Variants in KCNC2 observed in about 807,000 individuals in gnomAD.
KCNC2 encodes voltage-gated potassium channel KCNC2.
In KCNC2, 21 loss-of-function variants were observed where a neutral mutation model predicts 44.5. That is an observed-to-expected ratio of 0.47 (90% confidence interval 0.33 to 0.68). The LOEUF is 0.68. Among genes scored for constraint, KCNC2 ranks in the 30% least tolerant of loss-of-function variants. The pLI, the probability that KCNC2 is intolerant of heterozygous loss-of-function variation, is 0.01. For synonymous variants in KCNC2, 391 were observed against 339.1 expected (o/e 1.15, Z -1.68); for missense variants, 589 against 826.2 (o/e 0.71, Z 3.52).
At chr12:75,144,011 C>T (rs886973217) in intron 2 of KCNC2, among the ~76,000 whole-genome samples, 1 of 152,016 alleles carries the variant, frequency 6.6e-6, no homozygotes, top group Admixed American at 6.6e-5. Flanking sequence ...CCTAGGAAAA[C>T]ATCACCATTC....
chr12:75,138,825 C>CT (rs1889416107), intron 2 of KCNC2, among the ~76,000 whole-genome samples: 1 of 151,486 alleles, frequency 6.6e-6, no homozygotes, highest in Admixed American at 6.6e-5. Flanking sequence ...CTAAAAAATA[C>CT]AAAAAATTAG....
intron 2 of KCNC2, among the ~76,000 whole-genome samples, chr12:75,101,117 G>A (rs945754028): frequency 2.6e-5 from 4 of 151,976 alleles, no homozygotes; most frequent in Non-Finnish European, 5.9e-5. Flanking sequence ...TAGGCCTCCC[G>A]TCTTGGGATT....
intron 2 of KCNC2, among the ~76,000 whole-genome samples, chr12:75,069,559 G>A (rs1211665355): frequency 6.6e-6 from 1 of 152,074 alleles, no homozygotes; most frequent in Non-Finnish European, 1.5e-5. Context: ...AATCATTTCA[G>A]TAGACAAATT....
intron 2 of KCNC2, among the ~76,000 whole-genome samples, chr12:75,130,541 A>T (rs898293879): frequency 1.3e-5 from 2 of 152,212 alleles, no homozygotes; most frequent in Non-Finnish European, 2.9e-5. Context: ...AAGATGAATA[A>T]AACCTAAATC....
At chr12:75,131,305 A>T (rs1391134455) in intron 2 of KCNC2, among the ~76,000 whole-genome samples, 1 of 152,208 alleles carries the variant, frequency 6.6e-6, no homozygotes, top group Non-Finnish European at 1.5e-5. Context: ...ATTCTCAAAT[A>T]GTAATTACAT....
At chr12:75,185,476 A>G (rs1412838448) in intron 2 of KCNC2, among the ~76,000 whole-genome samples, 1 of 151,916 alleles carries the variant, frequency 6.6e-6, no homozygotes, top group Non-Finnish European at 1.5e-5. Context: ...TTCCTTATTA[A>G]ATATTGAGTT....
At chr12:75,177,169 T>C (rs1892247883) in intron 2 of KCNC2, among the ~76,000 whole-genome samples, 1 of 151,332 alleles carries the variant, frequency 6.6e-6, no homozygotes, top group African/African-American at 2.4e-5. Flanking sequence ...ACTAGATAAT[T>C]AGTGAAATAA....
At chr12:75,205,087 C>T (rs1031311215) in intron 2 of KCNC2, among the ~76,000 whole-genome samples, 18 of 151,964 alleles carry the variant, frequency 1.2e-4, no homozygotes, top group Non-Finnish European at 1.9e-4. Context: ...TGTCTTATGC[C>T]GCATTAAATC....
intron 2 of KCNC2, among the ~76,000 whole-genome samples, chr12:75,127,315 T>C (rs1352274016): frequency 6.6e-6 from 1 of 152,132 alleles, no homozygotes; most frequent in Non-Finnish European, 1.5e-5. Context: ...TCTTAGCTGC[T>C]GACAAGAAGA....
chr12:75,051,353 A>G (rs767376880), intron 2 of KCNC2, 36 bp from the exon 3 acceptor site: 3 of 1,177,782 alleles, frequency 2.5e-6, no homozygotes, highest in South Asian at 3.1e-5. Context: ...ACCCATAGTG[A>G]TCTGAATCGT....
rs749720306 is a variant in KCNC2 at position 75,207,906 on chromosome 12, G to A, written c.78C>T (p.Leu26=). 6.2e-7 allele frequency: 1 copy of A among 1,612,924 alleles called. No homozygotes were observed. The highest frequency in any genetic ancestry group is 8.5e-7 in the Non-Finnish European group (1 of 1,179,934). The change falls in exon 2 of 5, where the codon CTC becomes CTT. Residue 26 remains leucine, a synonymous_variant. Transcript: ENST00000549446. This position sits in a 1 kb window ranked among gnomAD's most constrained non-coding sequence, Gnocchi z 4.1. ...CCAGGCGTGTTCCAGGCAGGGTCTT[G>A]AGGGTGCTGCGGTAGGTTTCGTGCC... The part of the protein sequence containing the change: ...GTRHETYRST[L]KTLPGTRLAL...
chr12:75,175,621 T>A (rs1892131274), intron 2 of KCNC2, among the ~76,000 whole-genome samples: 1 of 152,044 alleles, frequency 6.6e-6, no homozygotes, highest in African/African-American at 2.4e-5. Context: ...GCTCTCTTTT[T>A]TCCCCTCTGG....
At chr12:75,154,153 G>T (rs1334443976) in intron 2 of KCNC2, among the ~76,000 whole-genome samples, 1 of 151,990 alleles carries the variant, frequency 6.6e-6, no homozygotes, top group Non-Finnish European at 1.5e-5. Flanking sequence ...GTGCTTTCAT[G>T]ATAGGACTGA....
intron 4 of KCNC2, among the ~76,000 whole-genome samples, chr12:75,046,423 A>T (rs1200702331): frequency 6.6e-6 from 1 of 151,766 alleles, no homozygotes; most frequent in Non-Finnish European, 1.5e-5. Context: ...ATTGTCTAAC[A>T]TAGAAGAAAA....
intron 2 of KCNC2, among the ~76,000 whole-genome samples, chr12:75,169,956 A>C (rs1471222181): frequency 6.6e-6 from 1 of 151,730 alleles, no homozygotes; most frequent in Non-Finnish European, 1.5e-5. Flanking sequence ...CTGCAAAAGA[A>C]AGGCGACATA....
intron 2 of KCNC2, among the ~76,000 whole-genome samples, chr12:75,124,617 C>G (rs1485470191): frequency 6.6e-6 from 1 of 152,022 alleles, no homozygotes; most frequent in Non-Finnish European, 1.5e-5. Flanking sequence ...TAAATTCAAG[C>G]CATTGTGATT....
intron 2 of KCNC2, among the ~76,000 whole-genome samples, chr12:75,176,689 G>A (rs1297937687): frequency 6.6e-6 from 1 of 151,716 alleles, no homozygotes; most frequent in Non-Finnish European, 1.5e-5. Flanking sequence ...TGCCACCTAA[G>A]CTTAAGAACA....
At chr12:75,145,028 C>T (rs1889916793) in intron 2 of KCNC2, among the ~76,000 whole-genome samples, 1 of 152,124 alleles carries the variant, frequency 6.6e-6, no homozygotes, top group Non-Finnish European at 1.5e-5. Context: ...TATTTTAGAC[C>T]TGCTCTGATC....
chr12:75,150,743 T>C (rs1426652920), intron 2 of KCNC2, among the ~76,000 whole-genome samples: 1 of 151,904 alleles, frequency 6.6e-6, no homozygotes, highest in African/African-American at 2.4e-5. Context: ...TTAATACAAA[T>C]ATGGCAATAT....
Sources: allele counts gnomAD v4.1 joint callset (sites outside exome capture counted in the v4.1 genomes callset), GRCh38; gene constraint gnomAD v4.1.1; non-coding constraint Gnocchi (gnomAD v3.1); transcripts MANE v1.5; gene names NCBI Gene and HGNC (gene_info 2026-07-23, HGNC 2026-07-21).